The following USP3 variants were observed in gnomAD, a reference collection of about 807,000 sequenced individuals.
The protein encoded by USP3 is ubiquitin specific peptidase 3, also known as ubiquitin carboxyl-terminal hydrolase 3.
USP3 carries 20 observed loss-of-function variants against 72.3 expected under a neutral mutation model. The observed-to-expected ratio is 0.28, with a 90% confidence interval of 0.19 to 0.40. The LOEUF (loss-of-function observed/expected upper bound fraction) is 0.40. Ranked by LOEUF, USP3 falls within the 10% of genes least tolerant of loss-of-function variation. The pLI is 1.00. For synonymous variants in USP3, 222 were observed against 225.3 expected (o/e 0.99, Z 0.13); for missense variants, 479 against 633.9 (o/e 0.76, Z 2.62).
At chr15:63,522,245 C>T (rs1440413862) in intron 1 of USP3, among the ~76,000 whole-genome samples, 1 of 152,216 alleles carries the variant, frequency 6.6e-6, no homozygotes, top group Non-Finnish European at 1.5e-5. Context: ...GGGAGACGTC[C>T]TCCTGCATTG....
chr15:63,504,771 G>A lies in USP3; in HGVS notation c.32G>A (p.Cys11Tyr). Reference sequence around the variant, plus strand: ...TGTCCACACCTGAGCTCCAGCGTCTGCATTGCTCCGGACTCAGCCAAGTTC... The same window carrying A: ...TGTCCACACCTGAGCTCCAGCGTCTACATTGCTCCGGACTCAGCCAAGTTC... MECPHLSSSV[C>Y]IAPDSAKFPN... Residue 11 changes from cysteine (C) to tyrosine (Y), a missense_variant, in exon 1 of 15, where the codon TGC becomes TAC. Physicochemically the swap from Cys to Tyr is radical, Grantham distance 194. Coordinates refer to ENST00000380324, the MANE Select transcript of USP3 (RefSeq NM_006537.4). 1.2e-6 allele frequency: 2 copies of A among 1,611,516 alleles called. No homozygotes were observed. The highest frequency in any genetic ancestry group is 1.7e-5 in the Admixed American group (1 of 59,872).
At chr15:63,538,122 T>C (rs1175390178) in intron 3 of USP3, among the ~76,000 whole-genome samples, 2 of 152,100 alleles carry the variant, frequency 1.3e-5, no homozygotes, top group Non-Finnish European at 2.9e-5. Flanking sequence ...TAGAACTAGG[T>C]TATTTAGGTT....
chr15:63,592,522 C>T lies in USP3; in HGVS notation c.*1696C>T, dbSNP rs968169724. On this transcript the variant is annotated 3_prime_UTR_variant, in exon 15 of 15. Transcript: ENST00000380324. ...AGTGCAGTGTGGCATGATCACAGCT[C>T]ACTGTAGCCTCAACCTCCCAGGCTC... The T allele has an allele frequency of 6.6e-6, 1 of 150,386 alleles. No homozygotes were observed. Among genetic ancestry groups the T allele is most frequent in the Non-Finnish European group, 1.5e-5 (1 of 67,762 alleles). 9.3% of individuals were successfully genotyped at this position (150,386 alleles called of 1,614,324 possible).
chr15:63,533,694 C>A, intron 2 of USP3: 1 of 362,526 alleles, frequency 2.8e-6, no homozygotes, highest in Middle Eastern at 3.8e-4. Flanking sequence ...TGATTTTTCA[C>A]ATTTTGAGTC....
At position 63,556,676 on chromosome 15, in the gene USP3, C is replaced by T; in HGVS notation, c.378C>T (p.Phe126=). 2 of 1,605,720 alleles carry T rather than the reference C, an allele frequency of 1.2e-6. No individual in the cohort carries two copies. Among genetic ancestry groups the T allele is most frequent in the East Asian group, 4.5e-5 (2 of 44,804 alleles). ...EHLQNLENSA[F]TADRHKKRKL... ...GTTTGTGTTTTAATAGCTCAGCTTTCACAGCTGACAGGCATAAGAAAAGAA... is the reference window on the plus strand; with the variant it reads ...GTTTGTGTTTTAATAGCTCAGCTTTTACAGCTGACAGGCATAAGAAAAGAA... Residue 126 remains phenylalanine, a synonymous_variant, in exon 5 of 15, where the codon TTC becomes TTT. Coordinates refer to ENST00000380324, the MANE Select transcript of USP3 (RefSeq NM_006537.4).
In USP3 at chr15:63,504,599, T is replaced by C; in HGVS notation, c.-141T>C. On this transcript the variant is annotated 5_prime_UTR_variant, in exon 1 of 15. Coordinates refer to ENST00000380324, the MANE Select transcript of USP3 (RefSeq NM_006537.4). ...CGGCGTCCGGAAGCCCGTGCTTTCT[T>C]TGACGCAAGGGCTCGAGACGCAGCC... is the stretch of plus-strand genomic sequence containing the variant. 1.6e-6 allele frequency: 1 copy of C among 625,686 alleles called. No homozygotes were observed. The highest frequency in any genetic ancestry group is 2.5e-5 in the South Asian group (1 of 39,656). 38.8% of individuals were successfully genotyped at this position (625,686 alleles called of 1,614,324 possible).
intron 1 of USP3, among the ~76,000 whole-genome samples, chr15:63,526,276 G>A (rs1248747987): frequency 6.6e-6 from 1 of 152,060 alleles, no homozygotes; most frequent in East Asian, 1.9e-4. Context: ...TTTCCTGGAC[G>A]ACTGCTTTGC....
chr15:63,587,512 G>A (rs555829508), intron 11 of USP3, among the ~76,000 whole-genome samples: 282 of 152,236 alleles, frequency 1.9e-3, no homozygotes, highest in Middle Eastern at 3.4e-3. Context: ...TTCCTTTAAC[G>A]TTTAGTTATA....
Position 63,562,818 on chromosome 15 carries a change from AT to A in USP3, c.648-73del, listed in dbSNP as rs1226303542. On this transcript the variant is annotated intron_variant, in intron 7 of 14. Transcript: ENST00000380324. Reference sequence around the variant, plus strand: ...AGTGTTCATTTCCTATATATTAGGCATTTTAGATGGGTGGACGCTGTGTTGA... The same window carrying A: ...AGTGTTCATTTCCTATATATTAGGCATTTAGATGGGTGGACGCTGTGTTGA... 7.7e-6 allele frequency: 7 copies of A among 905,646 alleles called. No homozygotes were observed. In the East Asian group the frequency reaches 1.6e-4, roughly 20 times the overall value. The allele number at this position is 905,646 out of a possible 1,614,324, so 56.1% of individuals were successfully genotyped here. A position where few individuals can be genotyped will look rare whatever the true frequency, so the allele number is the denominator to read the frequency against.
chr15:63,505,500 A>C (rs1051134003), intron 1 of USP3, among the ~76,000 whole-genome samples: 1 of 152,220 alleles, frequency 6.6e-6, no homozygotes, highest in Non-Finnish European at 1.5e-5. Flanking sequence ...CTGAGCCAAC[A>C]GCTGCTTTGG....
At chr15:63,512,991 A>G (rs1595702825) in intron 1 of USP3, among the ~76,000 whole-genome samples, 1 of 152,226 alleles carries the variant, frequency 6.6e-6, no homozygotes, top group East Asian at 1.9e-4. Flanking sequence ...GTTTATTTTT[A>G]AGATAAGCCA....
chr15:63,559,959 G>C lies in USP3; in HGVS notation c.636G>C (p.Gly212=). Residue 212 remains glycine, a synonymous_variant, in exon 7 of 15, where the codon GGG becomes GGC. Transcript: ENST00000380324. ...GRRTYHTRSQ[G]DNNVSLVEEF... The stretch of plus-strand genomic sequence containing the variant: ...GGACATACCACACCAGGAGCCAAGG[G>C]GATAACAATGTGTGAGTTATAAGAG... The C allele has an allele frequency of 1.9e-6, 3 of 1,613,410 alleles. No homozygotes were observed. The highest frequency in any genetic ancestry group is 2.5e-6 in the Non-Finnish European group (3 of 1,179,726).
chr15:63,559,817 CT>C (rs2066574751), intron 6 of USP3, 39 bp from the exon 7 acceptor site: 5 of 1,542,194 alleles, frequency 3.2e-6, no homozygotes, highest in African/African-American at 1.4e-5. Context: ...CAGTCCTATT[CT>C]TTTCTTTTTA....
intron 11 of USP3, among the ~76,000 whole-genome samples, chr15:63,578,675 A>G (rs1250452417): frequency 6.6e-6 from 1 of 152,152 alleles, no homozygotes; most frequent in African/African-American, 2.4e-5. Flanking sequence ...TATTCATTAA[A>G]AGCTATCAGT....
chr15:63,573,601 T>G (rs186299762), intron 9 of USP3, among the ~76,000 whole-genome samples: 1 of 152,354 alleles, frequency 6.6e-6, no homozygotes, highest in East Asian at 1.9e-4. Flanking sequence ...ACTCTAAAAC[T>G]ATCTCAGATC....
intron 2 of USP3, among the ~76,000 whole-genome samples, chr15:63,534,659 G>GTT (rs1318922836): frequency 6.6e-6 from 1 of 152,064 alleles, no homozygotes; most frequent in African/African-American, 2.4e-5. Context: ...CTACTTCTTA[G>GTT]TTTATCTCTG....
At chr15:63,521,320 A>G (rs554618696) in intron 1 of USP3, among the ~76,000 whole-genome samples, 40 of 152,202 alleles carry the variant, frequency 2.6e-4, no homozygotes, top group Non-Finnish European at 5.0e-4. Context: ...GTAGTTACAA[A>G]TAATGCAGCA....
intron 8 of USP3, among the ~76,000 whole-genome samples, chr15:63,564,971 T>G (rs781472630): frequency 1.2e-4 from 18 of 152,340 alleles, no homozygotes; most frequent in South Asian, 4.1e-4. Flanking sequence ...TCTTACCCTG[T>G]GAGGTATGCA....
intron 2 of USP3, among the ~76,000 whole-genome samples, chr15:63,533,208 GA>G (rs1412799337): frequency 6.6e-6 from 1 of 151,838 alleles, no homozygotes; most frequent in African/African-American, 2.4e-5. Context: ...TTCTGGGAAA[GA>G]AAAAAACCCT....
Sources: gnomAD v4.1 joint callset for allele counts (sites outside exome capture counted in the v4.1 genomes callset) on GRCh38, gnomAD v4.1.1 for gene constraint, MANE v1.5 for transcripts, NCBI Gene and HGNC (gene_info 2026-07-23, HGNC 2026-07-21) for gene names.